Variants in GEMIN5 observed in about 807,000 individuals in gnomAD.
GEMIN5 encodes gem nuclear organelle associated protein 5, also known as gem-associated protein 5.
In GEMIN5, 124 loss-of-function variants were observed where a neutral mutation model predicts 176.9. The ratio of observed to expected loss-of-function variants is 0.70; its 90% CI spans 0.61 to 0.81. GEMIN5 has a LOEUF of 0.81. GEMIN5 is among the 40% of genes least tolerant of loss of function. GEMIN5 has a pLI of 0.00. For missense variants in GEMIN5, 1,843 were observed against 1,814.6 expected (o/e 1.02, Z -0.28); for synonymous variants, 673 against 665.2 (o/e 1.01, Z -0.18).
intron 24 of GEMIN5, among the ~76,000 whole-genome samples, chr5:154,893,422 A>C (rs1369128134): frequency 6.6e-6 from 1 of 152,118 alleles, no homozygotes; most frequent in Non-Finnish European, 1.5e-5. Context: ...CTGTCTCAAA[A>C]AAAAAAAATC....
At chr5:154,902,862 C>T (rs1284176784) in intron 19 of GEMIN5, among the ~76,000 whole-genome samples, 186 bp from the exon 20 acceptor site, 1 of 152,224 alleles carries the variant, frequency 6.6e-6, no homozygotes, top group Non-Finnish European at 1.5e-5. Context: ...TACACTCCCA[C>T]ACCTTCACAT....
chr5:154,911,659 A>C (rs6580121), intron 15 of GEMIN5, 68 bp downstream of exon 15: 1 of 1,368,552 alleles, frequency 7.3e-7, no homozygotes, highest in East Asian at 2.3e-5. Context: ...TTCCTTGCTC[A>C]ATCCTGATCA....
chr5:154,921,896 T>C (rs1763931303), intron 9 of GEMIN5, among the ~76,000 whole-genome samples: 1 of 152,182 alleles, frequency 6.6e-6, no homozygotes, highest in Non-Finnish European at 1.5e-5. Flanking sequence ...TAAGAGCATT[T>C]TTGAAGGTTG....
At chr5:154,916,180 G>A (rs961886230) in intron 13 of GEMIN5, among the ~76,000 whole-genome samples, 3 of 151,904 alleles carry the variant, frequency 2.0e-5, no homozygotes, top group South Asian at 2.1e-4. Flanking sequence ...GAGCCACTGC[G>A]CCTGGCTGAC....
chr5:154,897,417 G>A (rs1486676737), intron 23 of GEMIN5, among the ~76,000 whole-genome samples: 1 of 152,212 alleles, frequency 6.6e-6, no homozygotes, highest in Non-Finnish European at 1.5e-5. Flanking sequence ...CAAAAAGGCA[G>A]TGGTATGTTA....
rs780946332 is a variant in GEMIN5 at position 154,907,679 on chromosome 5, G to T, written c.2307C>A (p.Asn769Lys). ...DGNEEESMKENSGPVENGVSD... is the reference protein window; with the variant it reads ...DGNEEESMKEKSGPVENGVSD... ...ACACACCATTCTCAACAGGTCCTGAGTTCTCCTTCATGCTTTCTTCTTCAT... is the reference window on the plus strand; with the variant it reads ...ACACACCATTCTCAACAGGTCCTGATTTCTCCTTCATGCTTTCTTCTTCAT... Residue 769 changes from asparagine (N) to lysine (K), a missense_variant, in exon 16 of 28, where the codon AAC (asparagine) becomes AAA (lysine). Asn to Lys is a moderately conservative substitution (Grantham distance 94, BLOSUM62 0). Transcript: ENST00000285873. 1.9e-6 allele frequency: 3 copies of T among 1,614,132 alleles called. No individual in the cohort carries two copies. The Admixed American group carries it at 5.0e-5, about 27-fold the overall frequency.
rs1468173368 is a variant in GEMIN5 at position 154,938,070 on chromosome 5, C to A, written c.64G>T (p.Ala22Ser). The A allele has an allele frequency of 1.3e-6, 2 of 1,524,106 alleles. No homozygotes were observed. The highest frequency in any genetic ancestry group is 2.6e-5 in the East Asian group (1 of 38,206). The allele number at this position is 1,524,106 out of a possible 1,614,324, so 94.4% of individuals were successfully genotyped here. A position where few individuals can be genotyped will look rare whatever the true frequency, so the allele number is the denominator to read the frequency against. The change falls in exon 1 of 28, where the codon GCC becomes TCC. Residue 22 changes from alanine to serine, a missense_variant. Ala to Ser is a moderately conservative substitution (Grantham distance 99, BLOSUM62 1). Coordinates refer to ENST00000285873, the MANE Select transcript of GEMIN5 (RefSeq NM_015465.5). ...AAGCCAAAGAGGCCCCCGGGCACGG[C>A]ATCGCTGCAGCGGGCGCAGTACCAG... is the stretch of plus-strand genomic sequence containing the variant. The part of the protein sequence containing the change: ...PNWYCARCSD[A>S]VPGGLFGFAA...
At chr5:154,891,161 C>G in intron 26 of GEMIN5, 80 bp downstream of exon 26, 1 of 1,285,926 alleles carries the variant, frequency 7.8e-7, no homozygotes, top group Non-Finnish European at 1.1e-6. Context: ...TCCCAAAGTG[C>G]TGGGATTATA....
intron 18 of GEMIN5, among the ~76,000 whole-genome samples, chr5:154,904,278 G>C (rs976144351): frequency 2.0e-5 from 3 of 152,170 alleles, no homozygotes; most frequent in Admixed American, 6.6e-5. Context: ...AATAAAAGCA[G>C]AGCGCTACAT....
At chr5:154,913,724 G>C (rs1763753227) in intron 13 of GEMIN5, among the ~76,000 whole-genome samples, 1 of 152,150 alleles carries the variant, frequency 6.6e-6, no homozygotes, top group South Asian at 2.1e-4. Flanking sequence ...GGCTGAGATG[G>C]GTGGACTGCT....
At chr5:154,921,919 T>C (rs1049479417) in intron 9 of GEMIN5, among the ~76,000 whole-genome samples, 2 of 152,222 alleles carry the variant, frequency 1.3e-5, no homozygotes, top group Non-Finnish European at 2.9e-5. Context: ...GTGGTAATGA[T>C]ATGTGATGTG....
intron 13 of GEMIN5, among the ~76,000 whole-genome samples, chr5:154,915,054 T>G (rs896451434): frequency 7.2e-5 from 11 of 152,200 alleles, no homozygotes; most frequent in Non-Finnish European, 1.6e-4. Flanking sequence ...TTAGTAGATA[T>G]GATATAAAGT....
chr5:154,910,078 C>T (rs187346346), intron 15 of GEMIN5, among the ~76,000 whole-genome samples: 8 of 151,736 alleles, frequency 5.3e-5, no homozygotes, highest in African/African-American at 1.9e-4. Flanking sequence ...CTAGATTCAT[C>T]CATTTTGTTC....
Position 154,892,435 on chromosome 5 carries a change from C to A in GEMIN5, c.3712G>T (p.Gly1238Trp). ...ACTTCCTGCATGATGGTGAAGCTCCCTGAGTCATAGCTCCGGACCACCGCC... is the reference window on the plus strand; with the variant it reads ...ACTTCCTGCATGATGGTGAAGCTCCATGAGTCATAGCTCCGGACCACCGCC... ...LRAVVRSYDSGSFTIMQEVYS... is the reference protein window; with the variant it reads ...LRAVVRSYDSWSFTIMQEVYS... Residue 1238 changes from glycine (G) to tryptophan (W), a missense_variant, in exon 25 of 28, where the codon GGG becomes TGG. Transcript: ENST00000285873. 6.2e-7 allele frequency: 1 copy of A among 1,614,146 alleles called. No individual in the cohort carries two copies. The highest frequency in any genetic ancestry group is 8.5e-7 in the Non-Finnish European group (1 of 1,180,018).
In GEMIN5 at chr5:154,937,032, A is replaced by C. The variant is rs757647260; in HGVS notation, c.320T>G (p.Leu107Arg). ...ACCAGTAAGCCATGGTACCTGATGG[A>C]GTGCATGTTCTGTCACAACTGTTTT... ...ETKTVVTEHA[L>R]HQHTISTLHW... The change falls in exon 2 of 28, where the codon CTC (leucine) becomes CGC (arginine). Residue 107 changes from leucine to arginine, a missense_variant. By Grantham distance (102) the Leu-to-Arg change is moderately radical. Transcript: ENST00000285873. 28 of 1,612,726 alleles carry C rather than the reference A, an allele frequency of 1.7e-5. 1 individual carries two copies. In the South Asian group the frequency reaches 2.6e-4, roughly 15 times the overall value.
At chr5:154,897,484 T>A (rs189531592) in intron 23 of GEMIN5, among the ~76,000 whole-genome samples, 1 of 152,302 alleles carries the variant, frequency 6.6e-6, no homozygotes, top group African/African-American at 2.4e-5. Flanking sequence ...ATTTCCATTT[T>A]CCCACACTTT....
At chr5:154,894,905 T>TAA (rs75462033) in intron 24 of GEMIN5, among the ~76,000 whole-genome samples, 2 of 117,100 alleles carry the variant, frequency 1.7e-5, no homozygotes, top group African/African-American at 3.2e-5. Context: ...AGACTCCATC[T>TAA]AAAAAAAAAA....
chr5:154,895,031 A>G (rs1010338471), intron 24 of GEMIN5, among the ~76,000 whole-genome samples: 1 of 137,678 alleles, frequency 7.3e-6, no homozygotes, highest in Non-Finnish European at 1.6e-5. Context: ...GTGAGCAGAT[A>G]TCATGCCACT....
chr5:154,903,486 A>G (rs1237530547), intron 18 of GEMIN5, among the ~76,000 whole-genome samples: 1 of 151,582 alleles, frequency 6.6e-6, no homozygotes, highest in Admixed American at 6.6e-5. Context: ...CCTTTGCTTC[A>G]AAAAAAAAGT....
Sources: allele counts gnomAD v4.1 joint callset (sites outside exome capture counted in the v4.1 genomes callset), GRCh38; gene constraint gnomAD v4.1.1; transcripts MANE v1.5; gene names NCBI Gene and HGNC (gene_info 2026-07-23, HGNC 2026-07-21).